The following WNT7B variants were observed in gnomAD, a reference collection of about 807,000 sequenced individuals.
The protein encoded by WNT7B is Wnt family member 7B.
A neutral mutation model predicts 38.2 loss-of-function variants in WNT7B; 19 were observed. The observed-to-expected ratio is 0.50, with a 90% confidence interval of 0.35 to 0.73. The LOEUF (loss-of-function observed/expected upper bound fraction) is 0.73. Ranked by LOEUF, WNT7B falls within the 30% of genes least tolerant of loss-of-function variation. The pLI is 0.01. For synonymous variants in WNT7B, 243 were observed against 209.3 expected, an observed-to-expected ratio of 1.16 and a Z score of -1.39; for missense variants, 423 against 507.9, an observed-to-expected ratio of 0.83 and a Z score of 1.61.
chr22:45,927,622 G>T (rs1482824033), intron 3 of WNT7B: 1 of 838,650 alleles, frequency 1.2e-6, no homozygotes, highest in Non-Finnish European at 2.0e-6. Flanking sequence ...AGGGCCAGGT[G>T]CAGTGGCTCA....
intron 1 of WNT7B, among the ~76,000 whole-genome samples, chr22:45,967,653 C>T (rs1390662247): frequency 6.6e-6 from 1 of 151,898 alleles, no homozygotes; most frequent in Non-Finnish European, 1.5e-5. Context: ...GCCCTGGGCT[C>T]CCCATAGGCA....
intron 3 of WNT7B, chr22:45,926,058 C>A (rs1931073691): frequency 1.0e-6 from 1 of 985,452 alleles, no homozygotes; most frequent in South Asian, 4.7e-5. Flanking sequence ...ATAATCGGCT[C>A]CCGCAGGGCC....
At chr22:45,933,042 GCCC>G (rs1931416874) in intron 2 of WNT7B, among the ~76,000 whole-genome samples, 1 of 152,182 alleles carries the variant, frequency 6.6e-6, no homozygotes, top group Non-Finnish European at 1.5e-5. Flanking sequence ...CCACTTCCTT[GCCC>G]GCAGCCTGCT....
At chr22:45,936,620 T>A (rs1312518984) in intron 2 of WNT7B, among the ~76,000 whole-genome samples, 1 of 152,240 alleles carries the variant, frequency 6.6e-6, no homozygotes, top group African/African-American at 2.4e-5. Context: ...AAGGACCCCC[T>A]GGCTGGGCCC....
rs1291845683 is a variant in WNT7B at position 45,975,039 on chromosome 22, C to G, written c.71+1645G>C. Among the ~76,000 whole-genome samples the G allele has an allele frequency of 6.6e-6, 1 of 152,132 alleles. No homozygotes were observed. Among genetic ancestry groups the G allele is most frequent in the Non-Finnish European group, 1.5e-5 (1 of 68,008 alleles). On this transcript the variant is annotated intron_variant, in intron 1 of 3. Coordinates refer to ENST00000339464, the MANE Select transcript of WNT7B (RefSeq NM_058238.3). The surrounding 1 kb of genome is among the most constrained non-coding windows in gnomAD (Gnocchi z 6.6). ...GATGACTGAGGCAGAAGAATGGACG[C>G]TAGGAACAGCAGCCCACAGTGGGGG... is the stretch of plus-strand genomic sequence containing the variant.
chr22:45,929,828 G>C (rs746340179), intron 3 of WNT7B, among the ~76,000 whole-genome samples: 60 of 106,016 alleles, frequency 5.7e-4, no homozygotes, highest in African/African-American at 1.9e-3. Context: ...ATCTTCCCAT[G>C]CACTCTTCTA....
chr22:45,925,946 G>A, intron 3 of WNT7B: 1 of 985,294 alleles, frequency 1.0e-6, no homozygotes, highest in Non-Finnish European at 1.2e-6. Flanking sequence ...GCTGCCCCTG[G>A]TACTGTGCCC....
intron 2 of WNT7B, among the ~76,000 whole-genome samples, chr22:45,948,767 C>T (rs1358504584): frequency 6.6e-6 from 1 of 151,454 alleles, no homozygotes; most frequent in Non-Finnish European, 1.5e-5. Context: ...TGAGCAGCCC[C>T]GAGTGACGTG....
At chr22:45,930,270 C>T (rs906886280) in intron 3 of WNT7B, among the ~76,000 whole-genome samples, 2 of 152,260 alleles carry the variant, frequency 1.3e-5, no homozygotes, top group East Asian at 1.9e-4. Flanking sequence ...TGACCAGTGG[C>T]CTCAGCTATG....
chr22:45,926,135 C>G, intron 3 of WNT7B: 2 of 985,452 alleles, frequency 2.0e-6, no homozygotes, highest in South Asian at 4.7e-5. Flanking sequence ...GCCACATCCT[C>G]GCTTGGCTGG....
intron 2 of WNT7B, among the ~76,000 whole-genome samples, chr22:45,947,749 G>C (rs1215541610): frequency 6.6e-6 from 1 of 152,316 alleles, no homozygotes; most frequent in East Asian, 1.9e-4. Context: ...GGCGATCAAG[G>C]GTGTGAGGTG....
chr22:45,934,881 G>T (rs1931473901), intron 2 of WNT7B, among the ~76,000 whole-genome samples: 2 of 152,252 alleles, frequency 1.3e-5, no homozygotes, highest in Non-Finnish European at 2.9e-5. Context: ...GGCACAATCA[G>T]TAAGAACGAC....
intron 1 of WNT7B, among the ~76,000 whole-genome samples, chr22:45,962,036 T>G (rs1001306692): frequency 2.0e-5 from 3 of 152,174 alleles, no homozygotes; most frequent in Non-Finnish European, 4.4e-5. Context: ...GAGCGTCCGC[T>G]TGCTCCCTCG....
Position 45,966,170 on chromosome 22 carries a change from G to A in WNT7B, c.71+10514C>T, listed in dbSNP as rs1164815999. On this transcript the variant is annotated intron_variant, in intron 1 of 3. Transcript: ENST00000339464. This position sits in a 1 kb window ranked among gnomAD's most constrained non-coding sequence, Gnocchi z 4.2. ...TCCCACTAGGGAGGGCCTTCTGGGG[G>A]AAACTGAGTCCTCCAGAAGTGGGAA... Among the ~76,000 whole-genome samples the A allele has an allele frequency of 6.6e-6, 1 of 152,224 alleles. No homozygotes were observed. The highest frequency in any genetic ancestry group is 1.9e-4 in the East Asian group (1 of 5,200).
chr22:45,972,085 G>C (rs971632996), intron 1 of WNT7B: 10 of 555,544 alleles, frequency 1.8e-5, no homozygotes, highest in Non-Finnish European at 2.9e-5. Context: ...TTCCCTGCCC[G>C]CCCGGTTCCA....
intron 3 of WNT7B, among the ~76,000 whole-genome samples, chr22:45,930,525 C>A (rs1931309193): frequency 1.3e-5 from 2 of 152,218 alleles, no homozygotes; most frequent in Admixed American, 6.5e-5. Flanking sequence ...CTTGCTCTGA[C>A]TTCTTCCCCG....
At chr22:45,928,417 G>A (rs776240530) in intron 3 of WNT7B, among the ~76,000 whole-genome samples, 2 of 152,322 alleles carry the variant, frequency 1.3e-5, no homozygotes, top group Non-Finnish European at 2.9e-5. Context: ...GCAGTGAGGA[G>A]TTGGGGGACA....
intron 3 of WNT7B, chr22:45,927,608 G>T: frequency 3.3e-6 from 3 of 913,032 alleles, no homozygotes; most frequent in South Asian, 1.4e-5. Context: ...ATAAGAGATG[G>T]AACAGGGCCA....
At chr22:45,935,023 C>T (rs112295698) in intron 2 of WNT7B, among the ~76,000 whole-genome samples, 47 of 152,310 alleles carry the variant, frequency 3.1e-4, no homozygotes, top group African/African-American at 9.6e-4. Context: ...CAGACCTAGA[C>T]GCCCACTCCG....
Sources: gnomAD v4.1 joint callset for allele counts (sites outside exome capture counted in the v4.1 genomes callset) on GRCh38, gnomAD v4.1.1 for gene constraint, Gnocchi (gnomAD v3.1) non-coding constraint, MANE v1.5 for transcripts, NCBI Gene and HGNC (gene_info 2026-07-23, HGNC 2026-07-21) for gene names.